The following LOXL4 variants were observed in gnomAD, a reference collection of about 807,000 sequenced individuals.
LOXL4 encodes the protein lysyl oxidase like 4, also known as lysyl oxidase homolog 4.
Under a neutral mutation model 89.1 loss-of-function variants are expected in LOXL4, and 72 were observed. The observed-to-expected ratio is 0.81, with a 90% confidence interval of 0.67 to 0.98. LOXL4 has a LOEUF of 0.98. Ranked by LOEUF, LOXL4 falls within the 50% of genes least tolerant of loss-of-function variation. The probability of loss-of-function intolerance (pLI) is 0.00; values close to 1 mark genes in which losing one functional copy is unlikely to be tolerated. For synonymous variants in LOXL4, 355 were observed against 392.1 expected (o/e 0.91, Z 1.12); for missense variants, 984 against 1,017.5 (o/e 0.97, Z 0.45).
intron 6 of LOXL4, among the ~76,000 whole-genome samples, chr10:98,258,368 A>G (rs1402175852): frequency 1.3e-5 from 2 of 150,766 alleles, no homozygotes; most frequent in Admixed American, 1.3e-4. Context: ...TTCTTCAATG[A>G]CCAATCACCC....
chr10:98,257,785 C>T lies in LOXL4; in HGVS notation c.1125G>A (p.Leu375=), dbSNP rs1858421407. The part of the protein sequence containing the change: ...RLGQGLGPIH[L]SEVRCRGYER... ...CATATCCCCTGCAGCGCACCTCACT[C>T]AGGTGGATGGGCCCTAGCCCTAGAT... Residue 375 remains leucine (L), a synonymous_variant, in exon 8 of 15, where the codon CTG becomes CTA. Transcript: ENST00000260702. 4 of 1,613,420 alleles carry T rather than the reference C, an allele frequency of 2.5e-6. No individual in the cohort carries two copies. Among genetic ancestry groups the T allele is most frequent in the Non-Finnish European group, 3.4e-6 (4 of 1,179,580 alleles).
Position 98,253,620 on chromosome 10 carries a change from T to C in LOXL4, c.1768A>G (p.Asn590Asp). The C allele has an allele frequency of 1.2e-6, 2 of 1,614,232 alleles. No homozygotes were observed. The highest frequency in any genetic ancestry group is 8.5e-7 in the Non-Finnish European group (1 of 1,180,054). ...RLLRFSTQIYNLGRTDFRPKT... is the reference protein window; with the variant it reads ...RLLRFSTQIYDLGRTDFRPKT... ...GGACGAAAGTCAGTCCGGCCCAGAT[T>C]GTAGATCTGTGTGGAGAAGCGCAAT... The change falls in exon 11 of 15, where the codon AAT becomes GAT. Residue 590 changes from asparagine to aspartate, a missense_variant. By Grantham distance (23) the Asn-to-Asp change is conservative. Transcript: ENST00000260702.
chr10:98,265,364 C>A (rs1310201337), intron 1 of LOXL4, among the ~76,000 whole-genome samples: 1 of 143,322 alleles, frequency 7.0e-6, no homozygotes, highest in Admixed American at 7.3e-5. Flanking sequence ...CCTTCAGTAA[C>A]AATGAACTAT....
intron 9 of LOXL4, chr10:98,256,387 T>A (rs886856256): frequency 1.3e-5 from 3 of 239,334 alleles, no homozygotes; most frequent in Non-Finnish European, 2.4e-5. Context: ...AAGCTTTGAG[T>A]GATCTTGCCC....
At chr10:98,263,758 GTC>G (rs1345510535) in intron 1 of LOXL4, among the ~76,000 whole-genome samples, 1 of 142,680 alleles carries the variant, frequency 7.0e-6, no homozygotes, top group Admixed American at 7.1e-5. Context: ...TCGAGACAGA[GTC>G]TCTCTCTGTC....
chr10:98,254,340 A>C (rs1156901495), intron 10 of LOXL4, among the ~76,000 whole-genome samples: 3 of 152,170 alleles, frequency 2.0e-5, no homozygotes, highest in Non-Finnish European at 4.4e-5. Context: ...ACTATCACTA[A>C]AGTAGTCCTG....
chr10:98,260,184 C>T (rs900274767), intron 4 of LOXL4, among the ~76,000 whole-genome samples: 3 of 152,144 alleles, frequency 2.0e-5, no homozygotes, highest in Non-Finnish European at 4.4e-5. Flanking sequence ...TTTTATGTCT[C>T]CTCTCTCCAG....
chr10:98,259,317 G>A (rs957659929), intron 5 of LOXL4, 74 bp downstream of exon 5: 5 of 1,574,352 alleles, frequency 3.2e-6, no homozygotes, highest in Non-Finnish European at 4.4e-6. Flanking sequence ...GAGGGAAGGG[G>A]AGGGTAGGGG....
At chr10:98,251,817 G>A (rs1027275643) in intron 12 of LOXL4, 115 bp from the exon 13 acceptor site, 43 of 1,278,440 alleles carry the variant, frequency 3.4e-5, no homozygotes, top group Non-Finnish European at 4.5e-5. Flanking sequence ...AGGACCGTCA[G>A]AGCTAGAATC....
At chr10:98,259,735 GC>G (rs577868254) in intron 4 of LOXL4, among the ~76,000 whole-genome samples, 553 of 152,312 alleles carry the variant, frequency 3.6e-3, no homozygotes, top group Middle Eastern at 6.8e-3. Flanking sequence ...AAGAGAAGGG[GC>G]CCTCTGGGGA....
At chr10:98,267,790 C>T (rs899222047) in intron 1 of LOXL4, among the ~76,000 whole-genome samples, 8 of 152,214 alleles carry the variant, frequency 5.3e-5, no homozygotes, top group Non-Finnish European at 1.0e-4. Context: ...AGTGTGACAT[C>T]TGAACCCGCC....
At chr10:98,249,026 C>A (rs1417909054) in intron 14 of LOXL4, 35 bp from the exon 15 acceptor site, 15 of 1,551,620 alleles carry the variant, frequency 9.7e-6, no homozygotes, top group Admixed American at 1.7e-5. Flanking sequence ...AGTAGCCAAC[C>A]TTTCCAGTCT....
At chr10:98,257,239 T>C (rs1019912707) in intron 8 of LOXL4, among the ~76,000 whole-genome samples, 3 of 152,026 alleles carry the variant, frequency 2.0e-5, no homozygotes, top group Non-Finnish European at 2.9e-5. Flanking sequence ...GGCTTTCATG[T>C]CCCTTGCCTC....
intron 14 of LOXL4, among the ~76,000 whole-genome samples, chr10:98,250,416 ATGTT>A (rs1478776828): frequency 6.6e-6 from 1 of 152,180 alleles, no homozygotes; most frequent in Non-Finnish European, 1.5e-5. Context: ...GCCTTAGTAA[ATGTT>A]TGTTGACTAA....
intron 4 of LOXL4, among the ~76,000 whole-genome samples, chr10:98,260,598 T>C (rs904775880): frequency 6.6e-6 from 1 of 152,124 alleles, no homozygotes; most frequent in Non-Finnish European, 1.5e-5. Flanking sequence ...TTCACTTTCC[T>C]GTTTATTATT....
At chr10:98,266,169 C>G (rs1007952861) in intron 1 of LOXL4, among the ~76,000 whole-genome samples, 4 of 152,138 alleles carry the variant, frequency 2.6e-5, no homozygotes, top group African/African-American at 9.7e-5. Flanking sequence ...TGGGACAGAT[C>G]GGCCTCAGGT....
At position 98,257,738 on chromosome 10, in the gene LOXL4, G is replaced by A; in HGVS notation, c.1172C>T (p.Pro391Leu). ...ACCATTCTGGGACCCTTCCAGGGCAGGGCAGTCGCTGAGGGTCCGCTCATA... is the reference window on the plus strand; with the variant it reads ...ACCATTCTGGGACCCTTCCAGGGCAAGGCAGTCGCTGAGGGTCCGCTCATA... ...RGYERTLSDC[P>L]ALEGSQNGCQ... is the part of the protein sequence containing the mutation. The change falls in exon 8 of 15, where the codon CCT becomes CTT. Residue 391 changes from proline (P) to leucine (L), a missense_variant. Pro to Leu is a moderately conservative substitution (Grantham distance 98, BLOSUM62 -3). Coordinates refer to ENST00000260702, the MANE Select transcript of LOXL4 (RefSeq NM_032211.7). 1 of 1,614,132 alleles carries A rather than the reference G, an allele frequency of 6.2e-7. No homozygotes were observed. Among genetic ancestry groups the A allele is most frequent in the East Asian group, 2.2e-5 (1 of 44,880 alleles).
chr10:98,250,724 A>G (rs79025562), intron 14 of LOXL4, among the ~76,000 whole-genome samples: 1 of 152,226 alleles, frequency 6.6e-6, no homozygotes, highest in Non-Finnish European at 1.5e-5. Flanking sequence ...TAACTTCTAT[A>G]TGAAAGAGAA....
At chr10:98,251,973 T>C (rs1858205029) in intron 12 of LOXL4, 1 of 516,512 alleles carries the variant, frequency 1.9e-6, no homozygotes, top group Non-Finnish European at 3.4e-6. Context: ...CATCCGCCTA[T>C]CCATCCTTCC....
Sources: allele counts gnomAD v4.1 joint callset (sites outside exome capture counted in the v4.1 genomes callset), GRCh38; gene constraint gnomAD v4.1.1; transcripts MANE v1.5; gene names NCBI Gene and HGNC (gene_info 2026-07-23, HGNC 2026-07-21).